CEP63: variants seen among roughly 807,000 people sequenced by gnomAD.
The protein encoded by CEP63 is centrosomal protein of 63 kDa.
CEP63 carries 84 observed loss-of-function variants against 89.1 expected under a neutral mutation model. The ratio of observed to expected loss-of-function variants is 0.94; its 90% CI spans 0.79 to 1.13. The LOEUF (loss-of-function observed/expected upper bound fraction) is 1.13, where lower values mean the gene tolerates loss of function less well. Ranked by LOEUF, CEP63 falls within the 50% of genes most tolerant of loss-of-function variation. CEP63 has a pLI of 0.00. For missense variants in CEP63, 838 were observed against 813.3 expected (o/e 1.03, Z -0.37); for synonymous variants, 267 against 272.5 (o/e 0.98, Z 0.20).
chr3:134,746,399 T>C, the CEP63 span, among the ~76,000 whole-genome samples: 2 of 152,352 alleles, frequency 1.3e-5, no homozygotes, highest in South Asian at 4.1e-4. Flanking sequence ...CATGTGTCTT[T>C]ATAGTAGCAT....
the CEP63 span, among the ~76,000 whole-genome samples, chr3:134,624,579 C>A: frequency 2.0e-5 from 3 of 152,228 alleles, no homozygotes; most frequent in African/African-American, 7.2e-5. Flanking sequence ...GCACCTGAGA[C>A]ATGCTCAGGG....
downstream of CEP63, among the ~76,000 whole-genome samples, chr3:134,590,126 A>G (rs1015870661): frequency 1.8e-4 from 28 of 152,166 alleles, no homozygotes; most frequent in African/African-American, 5.3e-4. Flanking sequence ...CGAAACACCT[A>G]TTGGGTACTA....
At chr3:134,590,551 A>G (rs1958579028), downstream of CEP63, among the ~76,000 whole-genome samples, 1 of 152,188 alleles carries the variant, frequency 6.6e-6, no homozygotes, top group Non-Finnish European at 1.5e-5. Flanking sequence ...GAATTTGCTC[A>G]CTCTAGAGTG....
chr3:134,759,680 A>T, the CEP63 span, among the ~76,000 whole-genome samples: 92,720 of 152,114 alleles, frequency 0.61, 30,706 homozygotes, highest in East Asian at 0.87. Context: ...TAAGCATGAA[A>T]GACTTCTGGG....
At chr3:134,672,963 C>T in the CEP63 span, among the ~76,000 whole-genome samples, 1 of 152,182 alleles carries the variant, frequency 6.6e-6, no homozygotes, top group Non-Finnish European at 1.5e-5. Context: ...GGATGAAGCT[C>T]CAATCCTTGG....
chr3:134,751,828 A>C, the CEP63 span, among the ~76,000 whole-genome samples: 1 of 152,198 alleles, frequency 6.6e-6, no homozygotes, highest in Non-Finnish European at 1.5e-5. Context: ...AATAATCCCA[A>C]CAACTCTATA....
intron 3 of CEP63, among the ~76,000 whole-genome samples, chr3:134,512,364 A>G (rs1039887179): frequency 1.3e-5 from 2 of 152,170 alleles, no homozygotes; most frequent in African/African-American, 4.8e-5. Context: ...ACTATCTTCT[A>G]GCTCCCTACA....
the CEP63 span, among the ~76,000 whole-genome samples, chr3:134,777,630 T>G: frequency 6.7e-6 from 1 of 148,278 alleles, no homozygotes. Context: ...TTTTTTTTTT[T>G]TTTTTTTAGA....
At chr3:134,660,043 G>A in the CEP63 span, among the ~76,000 whole-genome samples, 13 of 152,366 alleles carry the variant, frequency 8.5e-5, no homozygotes, top group Admixed American at 8.5e-4. Flanking sequence ...TGGAAAGGAT[G>A]AAATGAGGGG....
At chr3:134,582,893 T>G (rs1054546596) in intron 10 of CEP63, among the ~76,000 whole-genome samples, 2 of 152,216 alleles carry the variant, frequency 1.3e-5, no homozygotes, top group Admixed American at 1.3e-4. Context: ...AGATGGTATC[T>G]CATTGTGGTT....
At chr3:134,681,738 A>T in the CEP63 span, among the ~76,000 whole-genome samples, 1 of 152,244 alleles carries the variant, frequency 6.6e-6, no homozygotes, top group Non-Finnish European at 1.5e-5. Flanking sequence ...GGAGGAAAGA[A>T]GTTCAAAACA....
the CEP63 span, among the ~76,000 whole-genome samples, chr3:134,666,278 T>A: frequency 5.3e-5 from 8 of 152,188 alleles, no homozygotes; most frequent in Non-Finnish European, 8.8e-5. Flanking sequence ...CAGACCTTAG[T>A]AGTCAGCAGA....
At chr3:134,772,031 A>G in the CEP63 span, among the ~76,000 whole-genome samples, 22 of 152,352 alleles carry the variant, frequency 1.4e-4, no homozygotes, top group East Asian at 4.2e-3. Context: ...GTTACAAACA[A>G]GCAGGTAAGA....
Position 134,545,079 on chromosome 3 carries a change from C to T in CEP63, c.556-507C>T, listed in dbSNP as rs139809990. Among the ~76,000 whole-genome samples the T allele has an allele frequency of 4.8e-3, 738 of 152,184 alleles. 4 individuals are homozygous for T. The highest frequency in any genetic ancestry group is 0.017 in the African/African-American group (711 of 41,532). On this transcript the variant is annotated intron_variant, in intron 6 of 14. Transcript: ENST00000675561. ...CGCAATCTCGGCTCACTGCAACCTC[C>T]AACTCCCTGGTTCAAGTGATTCTCC...
the CEP63 span, chr3:134,641,221 C>G: frequency 6.6e-6 from 1 of 152,196 alleles, no homozygotes; most frequent in Non-Finnish European, 1.5e-5. Context: ...TTAAATTGTC[C>G]CCTGGGATAG....
chr3:134,517,138 T>A (rs571797079), intron 3 of CEP63, among the ~76,000 whole-genome samples: 33 of 152,276 alleles, frequency 2.2e-4, no homozygotes, highest in Middle Eastern at 3.4e-3. Context: ...GCACGTCCTT[T>A]ATTAGCTTTC....
At chr3:134,504,211 A>AGTAGATATCATCCTTTT (rs1006145995) in intron 2 of CEP63, among the ~76,000 whole-genome samples, 16 of 151,506 alleles carry the variant, frequency 1.1e-4, no homozygotes, top group African/African-American at 3.9e-4. Flanking sequence ...TTTTCACGAT[A>AGTAGATATCATCCTTTT]GTAGATATCA....
At chr3:134,704,570 T>C in the CEP63 span, among the ~76,000 whole-genome samples, 1 of 152,224 alleles carries the variant, frequency 6.6e-6, no homozygotes, top group South Asian at 2.1e-4. Flanking sequence ...TCATTATGAT[T>C]AGGAATGGTT....
At chr3:134,516,627 T>G (rs1326122871) in intron 3 of CEP63, among the ~76,000 whole-genome samples, 1 of 152,134 alleles carries the variant, frequency 6.6e-6, no homozygotes, top group Non-Finnish European at 1.5e-5. Context: ...TACTTGAGAT[T>G]AGGGAGTGGT....
Sources: gnomAD v4.1 joint callset for allele counts (sites outside exome capture counted in the v4.1 genomes callset) on GRCh38, gnomAD v4.1.1 for gene constraint, MANE v1.5 for transcripts, NCBI Gene and HGNC (gene_info 2026-07-23, HGNC 2026-07-21) for gene names.